The following KSR2 variants were observed in gnomAD, a reference collection of about 807,000 sequenced individuals.
KSR2 encodes kinase suppressor of ras 2.
KSR2 carries 25 observed loss-of-function variants against 107.8 expected under a neutral mutation model. The observed-to-expected ratio is 0.23, with a 90% confidence interval of 0.17 to 0.32. The LOEUF is 0.32. Ranked by LOEUF, KSR2 falls within the 10% of genes least tolerant of loss-of-function variation. KSR2 has a pLI of 1.00. For missense variants in KSR2, 887 were observed against 1,268.9 expected, an observed-to-expected ratio of 0.70 and a Z score of 4.57; for synonymous variants, 480 against 507.0, an observed-to-expected ratio of 0.95 and a Z score of 0.71.
At chr12:117,680,681 T>C (rs769011007) in intron 4 of KSR2, among the ~76,000 whole-genome samples, 4 of 152,194 alleles carry the variant, frequency 2.6e-5, no homozygotes, top group Non-Finnish European at 4.4e-5. Context: ...ATTATGGTAA[T>C]TCCATTTGAT....
At chr12:117,925,018 A>C (rs1209179476) in intron 1 of KSR2, among the ~76,000 whole-genome samples, 1 of 152,106 alleles carries the variant, frequency 6.6e-6, no homozygotes, top group Non-Finnish European at 1.5e-5. Flanking sequence ...AAACACTCCC[A>C]CACACACACA....
rs183539263 is a variant in KSR2 at position 117,662,394 on chromosome 12, G to A, written c.1171+5080C>T. The stretch of plus-strand genomic sequence containing the variant: ...TCTCTTTATAACCCTTCCAGCGGCC[G>A]CTTTCTTGGGAGTAGGCAGTTCTGC... On this transcript the variant is annotated intron_variant, in intron 5 of 19. Transcript: ENST00000339824. Among the ~76,000 whole-genome samples the A allele has an allele frequency of 9.2e-5, 14 of 152,204 alleles. 2 individuals are homozygous for A. The highest frequency in any genetic ancestry group is 1.9e-4 in the East Asian group (1 of 5,180).
At chr12:117,548,884 C>T (rs761659677) in intron 9 of KSR2, among the ~76,000 whole-genome samples, 3 of 152,168 alleles carry the variant, frequency 2.0e-5, no homozygotes, top group Non-Finnish European at 2.9e-5. Context: ...GCCCCATGGA[C>T]AATTAACATT....
intron 13 of KSR2, among the ~76,000 whole-genome samples, chr12:117,526,286 G>A (rs1346269447): frequency 6.6e-6 from 1 of 152,028 alleles, no homozygotes; most frequent in Non-Finnish European, 1.5e-5. Flanking sequence ...GATATCTAGG[G>A]GTGCTTGGGG....
Position 117,565,742 on chromosome 12 carries a change from A to G in KSR2, c.1326-7169T>C, listed in dbSNP as rs114528175. On this transcript the variant is annotated intron_variant, in intron 7 of 19. Transcript: ENST00000339824. Reference sequence around the variant, plus strand: ...TTTACTCTCACTGCAGATCTAATACATTCATTTTGCTCATTCATTCTTCAG... The same window carrying G: ...TTTACTCTCACTGCAGATCTAATACGTTCATTTTGCTCATTCATTCTTCAG... Among the ~76,000 whole-genome samples, 753 of 152,358 alleles carry G rather than the reference A, an allele frequency of 4.9e-3. 7 individuals are homozygous for G. Among genetic ancestry groups the G allele is most frequent in the African/African-American group, 0.017 (719 of 41,586 alleles).
chr12:117,754,427 C>T (rs775710347), intron 4 of KSR2, among the ~76,000 whole-genome samples: 4 of 151,916 alleles, frequency 2.6e-5, no homozygotes, highest in East Asian at 3.9e-4. Context: ...CACCTGAGGT[C>T]GGGAGTTCAA....
chr12:117,630,287 A>G (rs1882741810), intron 5 of KSR2, among the ~76,000 whole-genome samples: 1 of 152,244 alleles, frequency 6.6e-6, no homozygotes, highest in South Asian at 2.1e-4. Context: ...AGAGAACAGC[A>G]TGTGCAAAAG....
chr12:117,843,699 C>T (rs191897147), intron 3 of KSR2, among the ~76,000 whole-genome samples: 2 of 152,264 alleles, frequency 1.3e-5, no homozygotes, highest in East Asian at 3.9e-4. Flanking sequence ...TGACAGTAGT[C>T]CCTCAATGAC....
chr12:117,705,398 G>C (rs1886483384), intron 4 of KSR2, among the ~76,000 whole-genome samples: 1 of 152,232 alleles, frequency 6.6e-6, no homozygotes, highest in South Asian at 2.1e-4. Context: ...TAGGAGCCTG[G>C]AATCAGAGAC....
chr12:117,549,727 T>A (rs1592982122), intron 9 of KSR2, among the ~76,000 whole-genome samples: 1 of 152,140 alleles, frequency 6.6e-6, no homozygotes, highest in East Asian at 1.9e-4. Flanking sequence ...CATCTTGGAA[T>A]CTGCAAAACT....
chr12:117,835,580 G>A (rs1389057467), intron 3 of KSR2, among the ~76,000 whole-genome samples: 1 of 152,056 alleles, frequency 6.6e-6, no homozygotes, highest in African/African-American at 2.4e-5. Flanking sequence ...TATGTTCCTG[G>A]AGCGCTTAGG....
intron 4 of KSR2, among the ~76,000 whole-genome samples, chr12:117,694,045 T>G (rs1885944529): frequency 6.6e-6 from 1 of 152,172 alleles, no homozygotes; most frequent in Non-Finnish European, 1.5e-5. Context: ...CAAAGGACAC[T>G]ACAAAAAGGT....
intron 16 of KSR2, among the ~76,000 whole-genome samples, chr12:117,476,941 C>A (rs1409003218): frequency 6.6e-6 from 1 of 151,986 alleles, no homozygotes; most frequent in Non-Finnish European, 1.5e-5. Context: ...ATCATTGCTC[C>A]TGGGGAAATA....
intron 4 of KSR2, among the ~76,000 whole-genome samples, chr12:117,710,193 C>T (rs1886704073): frequency 6.6e-6 from 1 of 151,900 alleles, no homozygotes; most frequent in African/African-American, 2.4e-5. Context: ...CGGCCTCTTG[C>T]TCCGAACCAT....
chr12:117,844,981 C>T (rs1231999818), intron 3 of KSR2, among the ~76,000 whole-genome samples: 1 of 152,116 alleles, frequency 6.6e-6, no homozygotes, highest in African/African-American at 2.4e-5. Flanking sequence ...CCCGTCTCTA[C>T]TAAAAATAGA....
Position 117,645,868 on chromosome 12 carries a change from C to CGT in KSR2, c.1171+21604_1171+21605dup, listed in dbSNP as rs58896782. On this transcript the variant is annotated intron_variant, in intron 5 of 19. Coordinates refer to ENST00000339824, the MANE Select transcript of KSR2 (RefSeq NM_173598.6). ...CTTCTGGAATGTGCATGTGTATGTG[C>CGT]GTGTGTGTGTGTGTGTGTGTGTGTG... is the stretch of plus-strand genomic sequence containing the variant. Among the ~76,000 whole-genome samples the CGT allele has an allele frequency of 8.0e-3, 1,140 of 142,110 alleles. 7 individuals are homozygous for CGT. Among genetic ancestry groups the CGT allele is most frequent in the African/African-American group, 0.016 (605 of 38,064 alleles). The allele number at this position is 142,110 out of a possible 152,430, so 93.2% of individuals were successfully genotyped here.
Position 117,531,656 on chromosome 12 carries a change from T to C in KSR2, c.1729+10A>G, listed in dbSNP as rs1592962952. The C allele has an allele frequency of 1.9e-6, 3 of 1,603,582 alleles. No homozygotes were observed. In the East Asian group the frequency reaches 6.8e-5, roughly 36 times the overall value. ...CAGAAGGGGCTGCTTCCAGCTCACA[T>C]GAAACTCACCTGGGAAGATGAACTG... is the stretch of plus-strand genomic sequence containing the variant. On this transcript the variant is annotated intron_variant, in intron 11 of 19. Coordinates refer to ENST00000339824, the MANE Select transcript of KSR2 (RefSeq NM_173598.6).
chr12:117,754,304 C>T (rs978280602), intron 4 of KSR2, among the ~76,000 whole-genome samples: 6 of 152,028 alleles, frequency 3.9e-5, no homozygotes, highest in Admixed American at 6.6e-5. Flanking sequence ...AAAACCACCA[C>T]GGGTGTGCCT....
chr12:117,531,053 A>C, intron 11 of KSR2, 40 bp from the exon 12 acceptor site: 3 of 1,545,672 alleles, frequency 1.9e-6, no homozygotes, highest in Non-Finnish European at 2.7e-6. Context: ...AAAAATGTGA[A>C]GTCCACAACC....
Sources: allele counts gnomAD v4.1 joint callset (sites outside exome capture counted in the v4.1 genomes callset), GRCh38; gene constraint gnomAD v4.1.1; transcripts MANE v1.5; gene names NCBI Gene and HGNC (gene_info 2026-07-23, HGNC 2026-07-21).